DNAJB6: variants seen among roughly 807,000 people sequenced by gnomAD.
DNAJB6 encodes the protein dnaJ homolog subfamily B member 6.
In DNAJB6, 16 loss-of-function variants were observed where a neutral mutation model predicts 42.7. The ratio of observed to expected loss-of-function variants is 0.37; its 90% CI spans 0.25 to 0.57. The LOEUF (loss-of-function observed/expected upper bound fraction) is 0.57. Ranked by LOEUF, DNAJB6 falls within the 20% of genes least tolerant of loss-of-function variation. The probability of loss-of-function intolerance (pLI) is 0.74; values close to 1 mark genes in which losing one functional copy is unlikely to be tolerated. For synonymous variants in DNAJB6, 170 were observed against 163.5 expected (o/e 1.04, Z -0.30); for missense variants, 347 against 416.8 (o/e 0.83, Z 1.46).
At chr7:157,404,140 CT>C (rs371892863) in intron 8 of DNAJB6, among the ~76,000 whole-genome samples, 4,259 of 150,830 alleles carry the variant, frequency 0.028, 85 homozygotes, top group East Asian at 0.048. Flanking sequence ...CTAATTTTTT[CT>C]TTTTTTTTGT....
At chr7:157,383,611 T>TTGTGTGTG (rs57002445) in intron 6 of DNAJB6, among the ~76,000 whole-genome samples, 3,158 of 149,636 alleles carry the variant, frequency 0.021, 71 homozygotes, top group African/African-American at 0.057. Flanking sequence ...GTATGTGTGT[T>TTGTGTGTG]TGTGTGTGTG....
intron 1 of DNAJB6, among the ~76,000 whole-genome samples, chr7:157,355,157 A>G (rs771802477): frequency 2.0e-5 from 3 of 152,018 alleles, no homozygotes; most frequent in Non-Finnish European, 4.4e-5. Flanking sequence ...TCTTTTATTT[A>G]TTTATTTATT....
chr7:157,339,624 T>G lies in DNAJB6; in HGVS notation c.-27+2480T>G, dbSNP rs975459228. Among the ~76,000 whole-genome samples, 34 of 109,984 alleles carry G rather than the reference T, an allele frequency of 3.1e-4. No homozygotes were observed. In the East Asian group the frequency reaches 9.6e-3, roughly 31 times the overall value. The allele number at this position is 109,984 out of a possible 152,430, so 72.2% of individuals were successfully genotyped here. A position where few individuals can be genotyped will look rare whatever the true frequency, so the allele number is the denominator to read the frequency against. ...TTTTGTGTGTGTGTGTGTGTGTGTG[T>G]GTGTGTGTGTGTGTGTGTGTGTGAG... is the stretch of plus-strand genomic sequence containing the variant. On this transcript the variant is annotated intron_variant, in intron 1 of 9. Transcript: ENST00000262177.
chr7:157,351,521 TCCTC>T, intron 1 of DNAJB6, among the ~76,000 whole-genome samples: 3 of 151,588 alleles, frequency 2.0e-5, no homozygotes, highest in Non-Finnish European at 4.4e-5. Context: ...TAGTCCCAGC[TCCTC>T]AGGAGGCTGA....
intron 1 of DNAJB6, among the ~76,000 whole-genome samples, chr7:157,357,896 A>G (rs1431923129): frequency 1.3e-5 from 2 of 152,170 alleles, no homozygotes; most frequent in Non-Finnish European, 2.9e-5. Context: ...ATACTATCTA[A>G]TTAGTGTGGT....
chr7:157,345,857 C>T (rs1338316562), intron 1 of DNAJB6, among the ~76,000 whole-genome samples: 7 of 152,084 alleles, frequency 4.6e-5, no homozygotes, highest in Non-Finnish European at 1.0e-4. Flanking sequence ...GAGTGATCTG[C>T]TGTAGAAATT....
At chr7:157,396,429 G>T (rs74750728) in intron 8 of DNAJB6, among the ~76,000 whole-genome samples, 1,777 of 152,284 alleles carry the variant, frequency 0.012, 33 homozygotes, top group East Asian at 0.06. Flanking sequence ...TTTATGTAGT[G>T]GGCAGTTAGA....
At chr7:157,395,945 TA>T (rs150937090) in intron 8 of DNAJB6, among the ~76,000 whole-genome samples, 59,123 of 138,658 alleles carry the variant, frequency 0.43, 12,639 homozygotes, top group African/African-American at 0.55. Flanking sequence ...CTTGAGCCTG[TA>T]ATTTTTTTTT....
chr7:157,337,478 G>T (rs1798104093), intron 1 of DNAJB6: 1 of 151,884 alleles, frequency 6.6e-6, no homozygotes, highest in Admixed American at 6.6e-5. Flanking sequence ...CTGGGGCTCG[G>T]CTGGGGCTCG....
intron 1 of DNAJB6, among the ~76,000 whole-genome samples, chr7:157,340,998 G>GTGGGCGCGCGCGCT (rs67210462): frequency 7.4e-6 from 1 of 134,960 alleles, no homozygotes; most frequent in Admixed American, 7.1e-5. Context: ...GTGTGTGTGT[G>GTGGGCGCGCGCGCT]CGCGCGCGCA....
chr7:157,343,853 T>C (rs903170427), intron 1 of DNAJB6, among the ~76,000 whole-genome samples: 6 of 152,200 alleles, frequency 3.9e-5, no homozygotes, highest in African/African-American at 1.4e-4. Context: ...TTTTTCATGG[T>C]TTTAATAGAG....
intron 3 of DNAJB6, among the ~76,000 whole-genome samples, chr7:157,365,515 C>T (rs1472308519): frequency 1.3e-5 from 2 of 152,194 alleles, no homozygotes; most frequent in African/African-American, 2.4e-5. Flanking sequence ...TGTTTTCGTG[C>T]TGCAGATATG....
chr7:157,393,640 G>A (rs1040078836), intron 8 of DNAJB6, among the ~76,000 whole-genome samples: 5 of 152,156 alleles, frequency 3.3e-5, no homozygotes, highest in African/African-American at 1.2e-4. Context: ...GAAGTCATTT[G>A]TTTCGTGCAC....
At chr7:157,415,818 GCT>G (rs914622629) in intron 9 of DNAJB6, among the ~76,000 whole-genome samples, 196 bp from the exon 10 acceptor site, 1 of 152,246 alleles carries the variant, frequency 6.6e-6, no homozygotes, top group African/African-American at 2.4e-5. Context: ...GGGTGGTGAA[GCT>G]CTCTGGGTAG....
At chr7:157,407,184 AG>A (rs2116624674) in intron 8 of DNAJB6, among the ~76,000 whole-genome samples, 1 of 152,324 alleles carries the variant, frequency 6.6e-6, no homozygotes, top group East Asian at 1.9e-4. Flanking sequence ...AGGATGAGCC[AG>A]GATGTGTGGG....
intron 5 of DNAJB6, among the ~76,000 whole-genome samples, chr7:157,372,892 CCAT>C (rs1426987658): frequency 6.6e-6 from 1 of 152,188 alleles, no homozygotes; most frequent in Non-Finnish European, 1.5e-5. Flanking sequence ...GACGGATGGC[CCAT>C]CCGATGTTGA....
At chr7:157,392,340 C>T (rs568974130) in intron 8 of DNAJB6, among the ~76,000 whole-genome samples, 2 of 150,910 alleles carry the variant, frequency 1.3e-5, no homozygotes, top group South Asian at 4.2e-4. Context: ...TAGTCTTTAG[C>T]CTGCTGTGTT....
intron 1 of DNAJB6, among the ~76,000 whole-genome samples, chr7:157,338,857 G>A (rs917732034): frequency 9.2e-5 from 14 of 152,230 alleles, no homozygotes; most frequent in African/African-American, 3.1e-4. Context: ...AAGGGGTTGG[G>A]AAGCTTTTGG....
rs148704735 is a variant in DNAJB6, at chr7:157,346,368, T to C, written c.-27+9224T>C. ...AGATACAACTTAGTTTCTCTGTGAC[T>C]AGGGAAATCGTCCAAGTATGTATCA... On this transcript the variant is annotated intron_variant, in intron 1 of 9. Coordinates refer to ENST00000262177, the MANE Select transcript of DNAJB6 (RefSeq NM_058246.4). 3.4e-3 allele frequency among the ~76,000 whole-genome samples: 499 copies of C among 148,936 alleles called. 4 individuals are homozygous for C. The highest frequency in any genetic ancestry group is 0.012 in the African/African-American group (475 of 40,746).
Sources: gnomAD v4.1 joint callset for allele counts (sites outside exome capture counted in the v4.1 genomes callset) on GRCh38, gnomAD v4.1.1 for gene constraint, MANE v1.5 for transcripts, NCBI Gene and HGNC (gene_info 2026-07-23, HGNC 2026-07-21) for gene names.